ARHGEF10: variants seen among roughly 807,000 people sequenced by gnomAD.
ARHGEF10 encodes Rho guanine nucleotide exchange factor 10.
Under a neutral mutation model 147.4 loss-of-function variants are expected in ARHGEF10, and 140 were observed. That is an observed-to-expected ratio of 0.95 (90% CI 0.83 to 1.09). The LOEUF (loss-of-function observed/expected upper bound fraction) is 1.09, where lower values mean the gene tolerates loss of function less well. Among genes scored for constraint, ARHGEF10 ranks in the 50% least tolerant of loss-of-function variants. ARHGEF10 has a pLI of 0.00. For missense variants in ARHGEF10, 2,222 were observed against 1,752.7 expected, an observed-to-expected ratio of 1.27 and a Z score of -4.78; for synonymous variants, 902 against 695.8, an observed-to-expected ratio of 1.30 and a Z score of -4.67.
chr8:1,834,545 C>T (rs1803466558), intron 1 of ARHGEF10, among the ~76,000 whole-genome samples: 1 of 152,138 alleles, frequency 6.6e-6, no homozygotes, highest in South Asian at 2.1e-4. Flanking sequence ...TGGGGTTCTC[C>T]CGAGTCTTAG....
Position 1,957,580 on chromosome 8 carries a change from A to T in ARHGEF10, c.*317A>T. 4.8e-6 allele frequency: 2 copies of T among 412,392 alleles called. No individual in the cohort carries two copies. Among genetic ancestry groups the T allele is most frequent in the East Asian group, 4.6e-5 (1 of 21,546 alleles). 25.5% of individuals were successfully genotyped at this position (412,392 alleles called of 1,614,324 possible). ...TCCATATGTGAATACTAAATGTTAA[A>T]CTTCATCAGCGTCAGACCTATTGTA... On this transcript the variant is annotated 3_prime_UTR_variant, in exon 29 of 29. Transcript: ENST00000349830.
intron 24 of ARHGEF10, 117 bp downstream of exon 24, chr8:1,928,767 A>G: frequency 8.5e-7 from 1 of 1,173,412 alleles, no homozygotes; most frequent in Non-Finnish European, 1.2e-6. Flanking sequence ...CCGTGCAGGA[A>G]TTAGGGGATA....
At chr8:1,836,464 G>C (rs943759569) in intron 1 of ARHGEF10, among the ~76,000 whole-genome samples, 8 of 152,158 alleles carry the variant, frequency 5.3e-5, no homozygotes, top group African/African-American at 1.9e-4. Context: ...CACCTGTGGG[G>C]AGTTGCCAGC....
chr8:1,908,446 A>C (rs142197440), intron 17 of ARHGEF10, among the ~76,000 whole-genome samples: 16 of 152,104 alleles, frequency 1.1e-4, no homozygotes, highest in South Asian at 6.2e-4. Flanking sequence ...GTTAGCCAGG[A>C]TGGTCTCAAT....
In ARHGEF10 at chr8:1,850,463, C is replaced by T. The variant is rs117256979; in HGVS notation, c.37+7027C>T. 1.2e-3 allele frequency among the ~76,000 whole-genome samples: 181 copies of T among 149,098 alleles called. 2 individuals are homozygous for T. The East Asian group carries it at 0.033, about 28-fold the overall frequency. On this transcript the variant is annotated intron_variant, in intron 2 of 28. Transcript: ENST00000349830. ...TGCTGAGGAGGGTGTGGGGCAACCG[C>T]GTGGGCATGGACGGCAAGTGCGGAA...
intron 1 of ARHGEF10, among the ~76,000 whole-genome samples, chr8:1,841,093 C>T (rs748786902): frequency 6.6e-6 from 1 of 152,248 alleles, no homozygotes; most frequent in South Asian, 2.1e-4. Context: ...GTGCTCGCAT[C>T]AGCCACCCGC....
chr8:1,923,546 GC>G lies in ARHGEF10; in HGVS notation c.2339del (p.Ala780ValfsTer50). 6.2e-7 allele frequency: 1 copy of G among 1,614,088 alleles called. No homozygotes were observed. The highest frequency in any genetic ancestry group is 8.5e-7 in the Non-Finnish European group (1 of 1,180,042). On this transcript the variant is annotated frameshift_variant, in exon 20 of 29. Coordinates refer to ENST00000349830, the MANE Select transcript of ARHGEF10 (RefSeq NM_014629.4). LOFTEE classifies it high-confidence loss of function. ...LILKKEDEIR[A>X]ADCCRIQLQL... ...TTTGAAGAAAGAAGATGAAATCAGA[GC>G]TGCGGACTGCTGCAGAATTCAGTTA...
intron 26 of ARHGEF10, among the ~76,000 whole-genome samples, chr8:1,940,753 T>C (rs1253522272): frequency 2.0e-5 from 3 of 152,116 alleles, no homozygotes; most frequent in African/African-American, 4.8e-5. Flanking sequence ...ATCAACAGCG[T>C]ACTGAAAGGA....
chr8:1,954,470 ATT>A (rs1815318771), intron 28 of ARHGEF10, among the ~76,000 whole-genome samples: 3 of 113,730 alleles, frequency 2.6e-5, no homozygotes, highest in Non-Finnish European at 5.6e-5. Context: ...ATATTCCAAC[ATT>A]AAAAAAAAAA....
At chr8:1,952,647 G>C in intron 27 of ARHGEF10, 58 bp from the exon 28 acceptor site, 1 of 1,606,878 alleles carries the variant, frequency 6.2e-7, no homozygotes, top group South Asian at 1.1e-5. Context: ...CCCCGTCACC[G>C]CCCCACCAAC....
chr8:1,829,978 G>A (rs1027187985), intron 1 of ARHGEF10, among the ~76,000 whole-genome samples: 1 of 152,202 alleles, frequency 6.6e-6, no homozygotes, highest in Non-Finnish European at 1.5e-5. Context: ...ATAGGTAGCG[G>A]TAGCAAGAAG....
intron 13 of ARHGEF10, 43 bp downstream of exon 13, chr8:1,894,615 G>A: frequency 6.2e-7 from 1 of 1,601,478 alleles, no homozygotes; most frequent in Non-Finnish European, 8.5e-7. Context: ...GGCTCTCCAT[G>A]CACCTGTCCT....
chr8:1,928,722 C>A, intron 24 of ARHGEF10, 72 bp downstream of exon 24: 2 of 1,535,494 alleles, frequency 1.3e-6, no homozygotes, highest in Non-Finnish European at 1.8e-6. Flanking sequence ...GGAGCCTGTC[C>A]TGGAAAGAGT....
chr8:1,825,626 C>T (rs1802727653), intron 1 of ARHGEF10, among the ~76,000 whole-genome samples: 2 of 151,948 alleles, frequency 1.3e-5, no homozygotes, highest in Admixed American at 1.3e-4. Context: ...CACTCCCCTT[C>T]CATGGGCCCC....
chr8:1,916,221 C>G (rs1189430705), intron 18 of ARHGEF10, among the ~76,000 whole-genome samples: 2 of 152,066 alleles, frequency 1.3e-5, no homozygotes, highest in East Asian at 1.9e-4. Flanking sequence ...AGACGGCCAG[C>G]CACGGAAAGG....
At chr8:1,930,866 G>A (rs142174256) in intron 25 of ARHGEF10, among the ~76,000 whole-genome samples, 2,129 of 152,302 alleles carry the variant, frequency 0.014, 19 homozygotes, top group Middle Eastern at 0.031. Context: ...CTCCTGTCTC[G>A]TCCCTCAGCC....
chr8:1,840,256 G>A (rs1378646350), intron 1 of ARHGEF10, among the ~76,000 whole-genome samples: 6 of 137,870 alleles, frequency 4.4e-5, no homozygotes, highest in African/African-American at 1.2e-4. Flanking sequence ...GGGACTGTCC[G>A]GTGTGGAATC....
At chr8:1,855,796 C>T (rs78470200) in intron 2 of ARHGEF10, among the ~76,000 whole-genome samples, 3 of 152,028 alleles carry the variant, frequency 2.0e-5, no homozygotes, top group African/African-American at 7.2e-5. Context: ...AACGTGAATT[C>T]TGTGGAAATG....
intron 10 of ARHGEF10, 88 bp from the exon 11 acceptor site, chr8:1,885,513 T>G: frequency 1.1e-6 from 1 of 949,752 alleles, no homozygotes; most frequent in Non-Finnish European, 1.7e-6. Context: ...CTACACAAAA[T>G]ATTTATTTGA....
Sources: gnomAD v4.1 joint callset for allele counts (sites outside exome capture counted in the v4.1 genomes callset) on GRCh38, gnomAD v4.1.1 for gene constraint, MANE v1.5 for transcripts, NCBI Gene and HGNC (gene_info 2026-07-23, HGNC 2026-07-21) for gene names.